The following HHEX variants were observed in gnomAD, a reference collection of about 807,000 sequenced individuals.
HHEX encodes hematopoietically expressed homeobox.
HHEX carries 8 observed loss-of-function variants against 27.0 expected under a neutral mutation model. The ratio of observed to expected loss-of-function variants is 0.30; its 90% CI spans 0.17 to 0.54. HHEX has a LOEUF of 0.54. Ranked by LOEUF, HHEX falls within the 20% of genes least tolerant of loss-of-function variation. The pLI is 0.95. For missense variants in HHEX, 326 were observed against 357.2 expected (o/e 0.91, Z 0.70); for synonymous variants, 164 against 161.5 (o/e 1.02, Z -0.12).
chr10:92,692,679 TTTTC>T lies in HHEX; in HGVS notation c.541-17_541-14del, dbSNP rs746727301. 1.2e-6 allele frequency: 2 copies of T among 1,612,400 alleles called. No homozygotes were observed. Among genetic ancestry groups the T allele is most frequent in the Non-Finnish European group, 8.5e-7 (1 of 1,179,694 alleles). On this transcript the variant is annotated intron_variant, in intron 2 of 3. Coordinates refer to ENST00000282728, the MANE Select transcript of HHEX (RefSeq NM_002729.5). ...CGTCCCGACGCGGGCTCGTTGCAAG[TTTTC>T]TTTCTCTCTTTCCTGTAGGTCAAAA...
In HHEX at chr10:92,690,222, T is replaced by C; in HGVS notation, c.236T>C (p.Phe79Ser). 1 of 1,572,216 alleles carries C rather than the reference T, an allele frequency of 6.4e-7. No individual in the cohort carries two copies. The highest frequency in any genetic ancestry group is 8.6e-7 in the Non-Finnish European group (1 of 1,159,884). Reference sequence around the variant, plus strand: ...GAGCCCACGCCGATCCATCCAGCCTTCTCGCACCACTCCGCCGCCGCGCTG... The same window carrying C: ...GAGCCCACGCCGATCCATCCAGCCTCCTCGCACCACTCCGCCGCCGCGCTG... ...VYEPTPIHPA[F>S]SHHSAAALAA... The change falls in exon 1 of 4, where the codon TTC (phenylalanine) becomes TCC (serine). Residue 79 changes from phenylalanine to serine, a missense_variant. By Grantham distance (155) the Phe-to-Ser change is radical. Around this residue, in one of 4 missense-constraint regions of HHEX, gnomAD observed 215 missense variants for 196.4 expected, o/e 1.09. Transcript: ENST00000282728.
chr10:92,692,238 TG>T (rs1845361955), intron 1 of HHEX, 129 bp from the exon 2 acceptor site: 1 of 828,378 alleles, frequency 1.2e-6, no homozygotes, highest in Non-Finnish European at 1.9e-6. Flanking sequence ...CACGTGCCGG[TG>T]GGTGTATGTG....
In HHEX at chr10:92,692,491, T is replaced by C; in HGVS notation, c.485T>C (p.Leu162Pro). Residue 162 changes from leucine (L) to proline (P), a missense_variant, in exon 2 of 4, where the codon CTC becomes CCC. Transcript: ENST00000282728. Reference protein sequence around the residue: ...LEKKFETQKYLSPPERKRLAK... With the variant: ...LEKKFETQKYPSPPERKRLAK... Reference sequence around the variant, plus strand: ...AAGAAATTCGAGACGCAGAAATATCTCTCTCCGCCCGAGAGGAAGCGTCTG... The same window carrying C: ...AAGAAATTCGAGACGCAGAAATATCCCTCTCCGCCCGAGAGGAAGCGTCTG... 1 of 1,613,758 alleles carries C rather than the reference T, an allele frequency of 6.2e-7. No homozygotes were observed. Among genetic ancestry groups the C allele is most frequent in the Non-Finnish European group, 8.5e-7 (1 of 1,179,932 alleles).
chr10:92,690,390 G>A (rs1216135468), intron 1 of HHEX, 43 bp downstream of exon 1: 2 of 1,394,372 alleles, frequency 1.4e-6, no homozygotes. Flanking sequence ...AGCGCCACCC[G>A]GCAGGTGGCA....
rs1227981903 is a variant in HHEX, at chr10:92,694,734, T to C, written c.779T>C (p.Ile260Thr). Residue 260 changes from isoleucine (I) to threonine (T), a missense_variant, in exon 4 of 4, where the codon ATT (isoleucine) becomes ACT (threonine). Around this residue, in one of 4 missense-constraint regions of HHEX, gnomAD observed 68 missense variants for 84.9 expected, o/e 0.80. Coordinates refer to ENST00000282728, the MANE Select transcript of HHEX (RefSeq NM_002729.5). ...ISEDSDQEVD[I>T]EGDKSYFNAG ...GAGGATTCTGATCAGGAAGTGGACATTGAGGGCGATAAAAGCTATTTTAAT... is the reference window on the plus strand; with the variant it reads ...GAGGATTCTGATCAGGAAGTGGACACTGAGGGCGATAAAAGCTATTTTAAT... 6.2e-7 allele frequency: 1 copy of C among 1,613,972 alleles called. No homozygotes were observed. The highest frequency in any genetic ancestry group is 8.5e-7 in the Non-Finnish European group (1 of 1,179,872).
rs532429246 is a variant in HHEX at position 92,692,836 on chromosome 10, A to C, written c.591+84A>C. 2.2e-4 allele frequency: 246 copies of C among 1,132,646 alleles called. 1 individual carries two copies. The highest frequency in any genetic ancestry group is 3.1e-4 in the Non-Finnish European group (235 of 752,520). 70.2% of individuals were successfully genotyped at this position (1,132,646 alleles called of 1,614,324 possible). ...AAGGCTGTTATGGGTTGTATGCAAA[A>C]GTCATTTAAGAGACTATTTAACCTC... On this transcript the variant is annotated intron_variant, in intron 3 of 3. Coordinates refer to ENST00000282728, the MANE Select transcript of HHEX (RefSeq NM_002729.5).
Position 92,694,879 on chromosome 10 carries a change from T to C in HHEX, c.*111T>C. Reference sequence around the variant, plus strand: ...TATATAAGAAAGGGAATCAATTCTCTGGTATTCTGGAAACCTAAAAATATT... The same window carrying C: ...TATATAAGAAAGGGAATCAATTCTCCGGTATTCTGGAAACCTAAAAATATT... On this transcript the variant is annotated 3_prime_UTR_variant, in exon 4 of 4. Coordinates refer to ENST00000282728, the MANE Select transcript of HHEX (RefSeq NM_002729.5). The C allele has an allele frequency of 1.3e-6, 1 of 786,000 alleles. No homozygotes were observed. Among genetic ancestry groups the C allele is most frequent in the Non-Finnish European group, 2.0e-6 (1 of 492,068 alleles). The allele number at this position is 786,000 out of a possible 1,614,324, so 48.7% of individuals were successfully genotyped here.
In HHEX at chr10:92,692,769, G is replaced by A; in HGVS notation, c.591+17G>A. 6.2e-7 allele frequency: 1 copy of A among 1,600,276 alleles called. No homozygotes were observed. Among genetic ancestry groups the A allele is most frequent in the Non-Finnish European group, 8.6e-7 (1 of 1,167,560 alleles). The stretch of plus-strand genomic sequence containing the variant: ...CTAAAACAGGTATGGACATGGTTCT[G>A]TTTCTATGGAAATAAATATTTTTAT... On this transcript the variant is annotated intron_variant, in intron 3 of 3. Transcript: ENST00000282728.
At position 92,690,221 on chromosome 10, in the gene HHEX, T is replaced by G; in HGVS notation, c.235T>G (p.Phe79Val). The change falls in exon 1 of 4, where the codon TTC becomes GTC. Residue 79 changes from phenylalanine (F) to valine (V), a missense_variant. Coordinates refer to ENST00000282728, the MANE Select transcript of HHEX (RefSeq NM_002729.5). Reference sequence around the variant, plus strand: ...CGAGCCCACGCCGATCCATCCAGCCTTCTCGCACCACTCCGCCGCCGCGCT... The same window carrying G: ...CGAGCCCACGCCGATCCATCCAGCCGTCTCGCACCACTCCGCCGCCGCGCT... ...VYEPTPIHPA[F>V]SHHSAAALAA... 1 of 1,572,462 alleles carries G rather than the reference T, an allele frequency of 6.4e-7. No homozygotes were observed. The highest frequency in any genetic ancestry group is 8.6e-7 in the Non-Finnish European group (1 of 1,159,998).
chr10:92,693,597 G>A (rs755382018), intron 3 of HHEX, among the ~76,000 whole-genome samples: 5 of 152,106 alleles, frequency 3.3e-5, no homozygotes, highest in Middle Eastern at 3.2e-3. Context: ...AAAAGAAAGT[G>A]TCCCAAAGAA....
intron 1 of HHEX, 47 bp from the exon 2 acceptor site, chr10:92,692,321 C>T: frequency 6.3e-7 from 1 of 1,599,498 alleles, no homozygotes; most frequent in Non-Finnish European, 8.5e-7. Flanking sequence ...GGGGTCTGGC[C>T]AGGCCGCTCC....
At position 92,692,363 on chromosome 10, in the gene HHEX, C is replaced by T; in HGVS notation, c.362-5C>T. On this transcript the variant is annotated splice_region_variant and splice_polypyrimidine_tract_variant and intron_variant, in intron 1 of 3. Transcript: ENST00000282728. The stretch of plus-strand genomic sequence containing the variant: ...GTGGGTGAGCGCCGCTCTTCCCGCT[C>T]GCAGGCAAACCTCTACTCTGGAGCC... The T allele has an allele frequency of 6.2e-7, 1 of 1,612,544 alleles. No individual in the cohort carries two copies. Among genetic ancestry groups the T allele is most frequent in the Non-Finnish European group, 8.5e-7 (1 of 1,179,866 alleles).
chr10:92,693,958 G>T (rs1845379990), intron 3 of HHEX, among the ~76,000 whole-genome samples: 1 of 152,072 alleles, frequency 6.6e-6, no homozygotes, highest in Admixed American at 6.5e-5. Flanking sequence ...TACCTTCTCA[G>T]TTGGCAGCAT....
rs191684511 is a variant in HHEX at position 92,692,915 on chromosome 10, C to G, written c.591+163C>G. On this transcript the variant is annotated intron_variant, in intron 3 of 3. Transcript: ENST00000282728. ...CTGCTGAAATTCAGGATGAGTTGCTCAGGTGGCAGTAATGCTAAAAGCACC... is the reference window on the plus strand; with the variant it reads ...CTGCTGAAATTCAGGATGAGTTGCTGAGGTGGCAGTAATGCTAAAAGCACC... Among the ~76,000 whole-genome samples, 33 of 152,340 alleles carry G rather than the reference C, an allele frequency of 2.2e-4. No homozygotes were observed. In the East Asian group the frequency reaches 6.2e-3, roughly 28 times the overall value.
chr10:92,693,689 T>G (rs777356983), intron 3 of HHEX, among the ~76,000 whole-genome samples: 5 of 149,840 alleles, frequency 3.3e-5, no homozygotes, highest in Middle Eastern at 3.2e-3. Flanking sequence ...TCTCAATTTC[T>G]GACCGTGTGC....
At chr10:92,693,257 A>G (rs1016238505) in intron 3 of HHEX, among the ~76,000 whole-genome samples, 1 of 152,246 alleles carries the variant, frequency 6.6e-6, no homozygotes, top group Non-Finnish European at 1.5e-5. Flanking sequence ...CCAGCTCTTA[A>G]AATGAAATAT....
At chr10:92,692,047 G>A (rs1027279360) in intron 1 of HHEX, 1 of 213,466 alleles carries the variant, frequency 4.7e-6, no homozygotes, top group East Asian at 1.1e-4. Context: ...GGGGAAAGAG[G>A]GTCGTGGTAT....
chr10:92,692,390 C>T lies in HHEX; in HGVS notation c.384C>T (p.Pro128=). The T allele has an allele frequency of 6.2e-7, 1 of 1,613,904 alleles. No homozygotes were observed. The highest frequency in any genetic ancestry group is 8.5e-7 in the Non-Finnish European group (1 of 1,180,028). Residue 128 remains proline (P), a synonymous_variant, in exon 2 of 4, where the codon CCC becomes CCT. Transcript: ENST00000282728. ...CAGGCAAACCTCTACTCTGGAGCCCCTTCTTGCAGAGGCCTCTGCATAAAA... is the reference window on the plus strand; with the variant it reads ...CAGGCAAACCTCTACTCTGGAGCCCTTTCTTGCAGAGGCCTCTGCATAAAA... ...DPLGKPLLWS[P]FLQRPLHKRK...
In HHEX at chr10:92,695,036, CAGTT is replaced by C. The variant is rs1297215692; in HGVS notation, c.*272_*275del. On this transcript the variant is annotated 3_prime_UTR_variant, in exon 4 of 4. Coordinates refer to ENST00000282728, the MANE Select transcript of HHEX (RefSeq NM_002729.5). ...TTAAATTCTTCCCCCTTTAAAAAAA[CAGTT>C]AGTGGTTTTCACTATTTATAAAAAA... 10 of 316,486 alleles carry C rather than the reference CAGTT, an allele frequency of 3.2e-5. No homozygotes were observed. Among genetic ancestry groups the C allele is most frequent in the Middle Eastern group, 9.3e-4 (1 of 1,070 alleles). 19.6% of individuals were successfully genotyped at this position (316,486 alleles called of 1,614,324 possible). A position where few individuals can be genotyped will look rare whatever the true frequency, so the allele number is the denominator to read the frequency against.
Sources: allele counts gnomAD v4.1 joint callset (sites outside exome capture counted in the v4.1 genomes callset), GRCh38; gene constraint gnomAD v4.1.1; regional missense constraint gnomAD v4.1.1; transcripts MANE v1.5; gene names NCBI Gene and HGNC (gene_info 2026-07-23, HGNC 2026-07-21).